The following CFAP276 variants were observed in gnomAD, a reference collection of about 807,000 sequenced individuals.
CFAP276 encodes cilia and flagella associated protein 276, also known as cilia- and flagella-associated protein 276.
At chr1:109,113,416 A>AGAGAGAGGAGAGAGAGAGAG in the CFAP276 span, among the ~76,000 whole-genome samples, 3 of 68,080 alleles carry the variant, frequency 4.4e-5, no homozygotes, top group African/African-American at 8.2e-5. Flanking sequence ...GAGAGAGAGA[A>AGAGAGAGGAGAGAGAGAGAG]AGAGAGAGAG....
chr1:109,113,269 C>G, the CFAP276 span, among the ~76,000 whole-genome samples: 2 of 151,820 alleles, frequency 1.3e-5, no homozygotes, highest in Non-Finnish European at 2.9e-5. Context: ...GGCACGCGCC[C>G]GTAGTCCCAG....
the CFAP276 span, among the ~76,000 whole-genome samples, chr1:109,113,467 A>AGAGAGAGAGAGAGAGAGG: frequency 1.6e-3 from 205 of 126,370 alleles, 17 homozygotes; most frequent in Middle Eastern, 4.4e-3. Context: ...AGAGAGAGAG[A>AGAGAGAGAGAGAGAGAGG]GGCCCACGTG....
the CFAP276 span, chr1:109,107,967 G>T: frequency 6.2e-7 from 1 of 1,603,678 alleles, no homozygotes; most frequent in South Asian, 1.1e-5. Context: ...AGTAATTGTG[G>T]GGGTTGAGTT....
chr1:109,107,211 G>T, the CFAP276 span: 1 of 937,988 alleles, frequency 1.1e-6, no homozygotes, highest in Non-Finnish European at 1.7e-6. Flanking sequence ...TTCCCCAAAA[G>T]TATAGTGAAG....
the CFAP276 span, chr1:109,108,023 C>CTTTTTTTTTTTT: frequency 6.3e-7 from 1 of 1,599,228 alleles, no homozygotes; most frequent in Non-Finnish European, 8.6e-7. Context: ...GTGTTGGGTT[C>CTTTTTTTTTTTT]TTATATGGCA....
the CFAP276 span, chr1:109,112,729 A>G: frequency 1.3e-6 from 2 of 1,544,572 alleles, no homozygotes; most frequent in East Asian, 2.4e-5. Context: ...GCTCAGCCGC[A>G]GCACAGCCTC....
At chr1:109,106,824 G>A in the CFAP276 span, 1 of 917,812 alleles carries the variant, frequency 1.1e-6, no homozygotes, top group Non-Finnish European at 1.6e-6. Context: ...CACAATCTTG[G>A]GAGATTTCTG....
At chr1:109,112,682 C>T in the CFAP276 span, 1 of 1,550,114 alleles carries the variant, frequency 6.5e-7, no homozygotes, top group South Asian at 1.2e-5. Context: ...GGAGGCATGG[C>T]TAAATGCCTA....
the CFAP276 span, among the ~76,000 whole-genome samples, chr1:109,108,409 C>G: frequency 1.3e-5 from 2 of 152,192 alleles, no homozygotes; most frequent in South Asian, 4.1e-4. Flanking sequence ...TCCCAAAGTG[C>G]TCAGATTACA....
the CFAP276 span, among the ~76,000 whole-genome samples, chr1:109,111,730 T>C: frequency 6.6e-6 from 1 of 152,188 alleles, no homozygotes; most frequent in African/African-American, 2.4e-5. Context: ...TGTTTCCTTC[T>C]TCCTAACTCA....
the CFAP276 span, chr1:109,112,757 G>A: frequency 6.6e-7 from 1 of 1,526,094 alleles, no homozygotes; most frequent in Non-Finnish European, 8.8e-7. Context: ...TAAGATCCCG[G>A]GTCCCAATTG....
At chr1:109,111,770 C>T in the CFAP276 span, among the ~76,000 whole-genome samples, 1 of 152,146 alleles carries the variant, frequency 6.6e-6, no homozygotes, top group Non-Finnish European at 1.5e-5. Flanking sequence ...CCTGGCCTAC[C>T]TAACTCATAT....
At chr1:109,113,596 A>C in the CFAP276 span, 1 of 1,609,822 alleles carries the variant, frequency 6.2e-7, no homozygotes, top group East Asian at 2.2e-5. Flanking sequence ...GGGATGTAAG[A>C]TCTCCAGGAG....
At chr1:109,106,897 T>A in the CFAP276 span, 2 of 943,542 alleles carry the variant, frequency 2.1e-6, no homozygotes, top group South Asian at 3.2e-5. Flanking sequence ...AATACAGAAA[T>A]TTGTATACAA....
At chr1:109,110,800 T>C in the CFAP276 span, among the ~76,000 whole-genome samples, 2 of 152,278 alleles carry the variant, frequency 1.3e-5, no homozygotes, top group South Asian at 4.1e-4. Context: ...CCACAGTCAC[T>C]ACAAAAACAT....
the CFAP276 span, among the ~76,000 whole-genome samples, chr1:109,108,851 G>A: frequency 1.3e-5 from 2 of 152,128 alleles, no homozygotes; most frequent in Admixed American, 6.5e-5. Context: ...GGGCCCTAGA[G>A]AAGCAGTCAG....
chr1:109,113,465 A>AGGGAGTGAGAGAGAGAGAGG, the CFAP276 span, among the ~76,000 whole-genome samples: 2 of 132,144 alleles, frequency 1.5e-5, no homozygotes, highest in Non-Finnish European at 3.3e-5. Context: ...AGAGAGAGAG[A>AGGGAGTGAGAGAGAGAGAGG]GAGGCCCACG....
At chr1:109,109,539 T>C in the CFAP276 span, among the ~76,000 whole-genome samples, 4 of 136,826 alleles carry the variant, frequency 2.9e-5, no homozygotes, top group Admixed American at 7.1e-5. Flanking sequence ...ATACCTTTTT[T>C]TTTTTTTTTT....
At chr1:109,113,400 GAGAGAGAGAGAGAGAA>G in the CFAP276 span, among the ~76,000 whole-genome samples, 9 of 122,428 alleles carry the variant, frequency 7.4e-5, no homozygotes, top group Non-Finnish European at 1.0e-4. Context: ...CTCAGAGAGA[GAGAGAGAGAGAGAGAA>G]AGAGAGAGAG....
Sources: gnomAD v4.1 joint callset for allele counts (sites outside exome capture counted in the v4.1 genomes callset) on GRCh38, gnomAD v4.1.1 for gene constraint, MANE v1.5 for transcripts, NCBI Gene and HGNC (gene_info 2026-07-23, HGNC 2026-07-21) for gene names.